Variants in CSMD1 observed in about 807,000 individuals in gnomAD.
CSMD1 encodes the protein CUB and Sushi multiple domains 1.
CSMD1 carries 213 observed loss-of-function variants against 417.5 expected under a neutral mutation model. The observed-to-expected ratio is 0.51, with a 90% CI of 0.46 to 0.57. The LOEUF (loss-of-function observed/expected upper bound fraction) is 0.57, where lower values mean the gene tolerates loss of function less well. CSMD1 is among the 20% of genes least tolerant of loss of function. CSMD1 has a pLI of 0.00. For missense variants in CSMD1, 6,923 were observed against 4,529.7 expected, an observed-to-expected ratio of 1.53 and a Z score of -15.17; for synonymous variants, 2,862 against 1,736.8, an observed-to-expected ratio of 1.65 and a Z score of -16.11.
chr8:3,488,183 G>C (rs892421368), intron 11 of CSMD1, among the ~76,000 whole-genome samples: 4 of 151,890 alleles, frequency 2.6e-5, no homozygotes, highest in Non-Finnish European at 5.9e-5. Context: ...GCTCACTGCA[G>C]CCTTGATCTC....
rs115427681 is a variant in CSMD1, at chr8:4,709,333, G to C, written c.86-71775C>G. 1.6e-3 allele frequency among the ~76,000 whole-genome samples: 247 copies of C among 152,314 alleles called. 3 individuals carry two copies. Among genetic ancestry groups the C allele is most frequent in the African/African-American group, 5.8e-3 (240 of 41,578 alleles). On this transcript the variant is annotated intron_variant, in intron 1 of 69. Transcript: ENST00000635120. ...ATGGAGGTTGATACCTGAGGCCTCT[G>C]TGTTGGATTGGGGGAGTTTAGGCTG...
At chr8:4,725,464 T>C (rs1410885600) in intron 1 of CSMD1, among the ~76,000 whole-genome samples, 3 of 152,324 alleles carry the variant, frequency 2.0e-5, no homozygotes, top group East Asian at 1.9e-4. Context: ...CTTAATTTGA[T>C]AGCTCAGAAA....
chr8:4,174,500 T>G (rs543305329), intron 3 of CSMD1, among the ~76,000 whole-genome samples: 2 of 151,382 alleles, frequency 1.3e-5, no homozygotes, highest in Admixed American at 6.6e-5. Context: ...TGAGAAACTA[T>G]GGGTATATAT....
chr8:4,457,867 G>C (rs988378), intron 2 of CSMD1, among the ~76,000 whole-genome samples: 37,558 of 151,932 alleles, frequency 0.25, 5,298 homozygotes, highest in Non-Finnish European at 0.32. Flanking sequence ...CACCTCCCCT[G>C]GGACAGCTTG....
intron 5 of CSMD1, 103 bp from the exon 6 acceptor site, chr8:3,754,145 G>T (rs532210081): frequency 1.0e-5 from 7 of 668,536 alleles, no homozygotes; most frequent in Middle Eastern, 2.8e-4. Context: ...CCTTCATCTT[G>T]AGATGCTTAA....
At chr8:3,141,827 TGG>T (rs1210298542) in intron 41 of CSMD1, among the ~76,000 whole-genome samples, 1 of 150,048 alleles carries the variant, frequency 6.7e-6, no homozygotes, top group Non-Finnish European at 1.5e-5. Flanking sequence ...AGATGGAGTC[TGG>T]CTCTGTCGCC....
chr8:4,508,028 A>C (rs117337695), intron 2 of CSMD1, among the ~76,000 whole-genome samples: 2,385 of 151,440 alleles, frequency 0.016, 35 homozygotes, highest in Non-Finnish European at 0.023. Context: ...CAAGAGAGAA[A>C]TTAAAATTGT....
intron 3 of CSMD1, among the ~76,000 whole-genome samples, chr8:4,034,369 G>C (rs1797509326): frequency 6.6e-6 from 1 of 152,150 alleles, no homozygotes; most frequent in African/African-American, 2.4e-5. Flanking sequence ...TAATTTCTGA[G>C]AGCAGTCTAC....
intron 1 of CSMD1, among the ~76,000 whole-genome samples, chr8:4,966,511 G>A (rs1255921940): frequency 2.0e-5 from 3 of 152,308 alleles, no homozygotes; most frequent in Admixed American, 6.5e-5. Flanking sequence ...TTAAGGGGCT[G>A]CAGACATCTG....
chr8:4,923,740 G>C (rs1344413128), intron 1 of CSMD1, among the ~76,000 whole-genome samples: 3 of 151,988 alleles, frequency 2.0e-5, no homozygotes, highest in African/African-American at 7.3e-5. Flanking sequence ...AATTTACCAA[G>C]GAACCTTGGA....
intron 23 of CSMD1, among the ~76,000 whole-genome samples, chr8:3,312,543 T>G (rs535612514): frequency 1.2e-4 from 18 of 152,314 alleles, no homozygotes; most frequent in African/African-American, 4.1e-4. Context: ...CTTTGTTCTC[T>G]CAAAGCTCCT....
chr8:4,186,619 A>C (rs1299938756), intron 3 of CSMD1, among the ~76,000 whole-genome samples: 2 of 152,164 alleles, frequency 1.3e-5, no homozygotes, highest in Admixed American at 1.3e-4. Context: ...TCAATCTTCC[A>C]GGGGCTAAGA....
At chr8:4,771,648 A>G (rs1388866086) in intron 1 of CSMD1, among the ~76,000 whole-genome samples, 1 of 152,200 alleles carries the variant, frequency 6.6e-6, no homozygotes, top group Non-Finnish European at 1.5e-5. Context: ...CATGATTTCT[A>G]CGCAGTCAAA....
chr8:4,904,203 C>G (rs752464038), intron 1 of CSMD1, among the ~76,000 whole-genome samples: 3 of 152,068 alleles, frequency 2.0e-5, no homozygotes, highest in Non-Finnish European at 4.4e-5. Flanking sequence ...AACATGATGA[C>G]CAACCATCAC....
At chr8:3,229,411 T>C (rs1476579725) in intron 27 of CSMD1, among the ~76,000 whole-genome samples, 1 of 152,220 alleles carries the variant, frequency 6.6e-6, no homozygotes, top group Non-Finnish European at 1.5e-5. Flanking sequence ...ATTACTATTT[T>C]ACATAAAATA....
chr8:4,045,781 A>T (rs1798117917), intron 3 of CSMD1, among the ~76,000 whole-genome samples: 1 of 152,236 alleles, frequency 6.6e-6, no homozygotes, highest in Non-Finnish European at 1.5e-5. Context: ...ACACACTTTA[A>T]AGCTATTTCC....
chr8:4,630,263 A>AAC (rs1392802734), intron 2 of CSMD1, among the ~76,000 whole-genome samples: 1 of 114,962 alleles, frequency 8.7e-6, no homozygotes, highest in African/African-American at 3.7e-5. Flanking sequence ...GCACACAGCA[A>AAC]ATACACACAC....
chr8:4,307,069 G>A (rs1003136729), intron 3 of CSMD1, among the ~76,000 whole-genome samples: 1 of 151,954 alleles, frequency 6.6e-6, no homozygotes, highest in Non-Finnish European at 1.5e-5. Flanking sequence ...TCACAACCCT[G>A]CTCCCACTAT....
chr8:4,851,908 G>C (rs566077362), intron 1 of CSMD1, among the ~76,000 whole-genome samples: 2 of 152,220 alleles, frequency 1.3e-5, no homozygotes, highest in East Asian at 3.9e-4. Context: ...ATACTCATTT[G>C]CTATCACTCT....
Sources: allele counts gnomAD v4.1 joint callset (sites outside exome capture counted in the v4.1 genomes callset), GRCh38; gene constraint gnomAD v4.1.1; transcripts MANE v1.5; gene names NCBI Gene and HGNC (gene_info 2026-07-23, HGNC 2026-07-21).